RPTOR: variants seen among roughly 807,000 people sequenced by gnomAD.
The protein encoded by RPTOR is regulatory associated protein of MTOR complex 1.
A neutral mutation model predicts 169.9 loss-of-function variants in RPTOR; 21 were observed. The ratio of observed to expected loss-of-function variants is 0.12; its 90% CI spans 0.09 to 0.18. RPTOR has a LOEUF of 0.18. Among genes scored for constraint, RPTOR ranks in the 10% least tolerant of loss-of-function variants. The pLI is 1.00. For missense variants in RPTOR, 1,133 were observed against 1,855.9 expected, an observed-to-expected ratio of 0.61 and a Z score of 7.16; for synonymous variants, 732 against 753.2, an observed-to-expected ratio of 0.97 and a Z score of 0.46.
At chr17:80,877,804 G>A (rs909388887) in intron 13 of RPTOR, among the ~76,000 whole-genome samples, 1 of 152,168 alleles carries the variant, frequency 6.6e-6, no homozygotes, top group African/African-American at 2.4e-5. Context: ...CTCAGCTCGG[G>A]GGAGCAGCTT....
intron 25 of RPTOR, among the ~76,000 whole-genome samples, chr17:80,943,630 C>T (rs1207771072): frequency 1.3e-5 from 2 of 151,994 alleles, no homozygotes; most frequent in African/African-American, 4.8e-5. Context: ...TTATACTTGG[C>T]TATCTCACTT....
In RPTOR at chr17:80,791,524, T is replaced by G. The variant is rs779963048; in HGVS notation, c.890+15T>G. The stretch of plus-strand genomic sequence containing the variant: ...TTGATAGAAAAGTAAGTAGGATTTT[T>G]AAGCTCTTGTGGCTCTCTGGATCTG... On this transcript the variant is annotated intron_variant, in intron 7 of 33. Transcript: ENST00000306801. 24 of 1,612,262 alleles carry G rather than the reference T, an allele frequency of 1.5e-5. No homozygotes were observed. Among genetic ancestry groups the G allele is most frequent in the Middle Eastern group, 1.6e-4 (1 of 6,082 alleles).
chr17:80,753,137 A>T (rs1340966023), intron 5 of RPTOR, among the ~76,000 whole-genome samples: 1 of 152,150 alleles, frequency 6.6e-6, no homozygotes, highest in Non-Finnish European at 1.5e-5. Context: ...AGATGGGAGG[A>T]GATAAAATCC....
chr17:80,773,723 G>GCT, intron 6 of RPTOR: 1 of 938,644 alleles, frequency 1.1e-6, no homozygotes, highest in Non-Finnish European at 1.3e-6. Flanking sequence ...CCCTCCTCCA[G>GCT]GCAGGCGCTT....
In RPTOR at chr17:80,609,997, A is replaced by G. The variant is rs2065258760; in HGVS notation, c.163-15694A>G. ...GCAAGTCGGTTCTCACGTCAAGGGC[A>G]TGTCCTGAGGGTTATGGGGCCTTGG... On this transcript the variant is annotated intron_variant, in intron 1 of 33. Coordinates refer to ENST00000306801, the MANE Select transcript of RPTOR (RefSeq NM_020761.3). The surrounding 1 kb of genome is among the most constrained non-coding windows in gnomAD (Gnocchi z 4.8). 6.6e-6 allele frequency among the ~76,000 whole-genome samples: 1 copy of G among 152,156 alleles called. No individual in the cohort carries two copies. Among genetic ancestry groups the G allele is most frequent in the African/African-American group, 2.4e-5 (1 of 41,444 alleles).
intron 28 of RPTOR, among the ~76,000 whole-genome samples, chr17:80,954,957 G>A (rs1178501653): frequency 1.3e-5 from 2 of 152,020 alleles, no homozygotes; most frequent in African/African-American, 4.8e-5. Context: ...CATAGACAAC[G>A]GGAATAAAAA....
At chr17:80,910,276 G>A (rs530771204) in intron 21 of RPTOR, among the ~76,000 whole-genome samples, 10 of 152,226 alleles carry the variant, frequency 6.6e-5, no homozygotes, top group South Asian at 4.2e-4. Flanking sequence ...GTTTATTTCC[G>A]TTCTCTCAGG....
In RPTOR at chr17:80,779,497, C is replaced by T. The variant is rs536958177; in HGVS notation, c.831-11953C>T. Among the ~76,000 whole-genome samples, 8 of 152,334 alleles carry T rather than the reference C, an allele frequency of 5.3e-5. No individual in the cohort carries two copies. The South Asian group carries it at 1.7e-3, about 32-fold the overall frequency. Reference sequence around the variant, plus strand: ...CCGTGCCTACGTGCACTGACGTCGTCACAGGTGGGGGATAAGATTCCGTCG... The same window carrying T: ...CCGTGCCTACGTGCACTGACGTCGTTACAGGTGGGGGATAAGATTCCGTCG... On this transcript the variant is annotated intron_variant, in intron 6 of 33. Coordinates refer to ENST00000306801, the MANE Select transcript of RPTOR (RefSeq NM_020761.3).
In RPTOR at chr17:80,754,758, C is replaced by T. The variant is rs2066663372; in HGVS notation, c.830+573C>T. ...AGTGGGATATGTGTGTTTCCTGCCT[C>T]CAAATCCAATATTCTCCCCTAGACC... On this transcript the variant is annotated intron_variant, in intron 6 of 33. Coordinates refer to ENST00000306801, the MANE Select transcript of RPTOR (RefSeq NM_020761.3). This position sits in a 1 kb window ranked among gnomAD's most constrained non-coding sequence, Gnocchi z 4.2. Among the ~76,000 whole-genome samples the T allele has an allele frequency of 6.6e-6, 1 of 152,164 alleles. No individual in the cohort carries two copies. Among genetic ancestry groups the T allele is most frequent in the African/African-American group, 2.4e-5 (1 of 41,434 alleles).
At chr17:80,961,670 C>T in intron 31 of RPTOR, 190 bp downstream of exon 31, 1 of 640,994 alleles carries the variant, frequency 1.6e-6, no homozygotes. Flanking sequence ...AGCTGCTCCC[C>T]TGCTGGGGGA....
intron 1 of RPTOR, among the ~76,000 whole-genome samples, chr17:80,624,840 A>T (rs933308410): frequency 1.3e-5 from 2 of 152,242 alleles, no homozygotes; most frequent in Non-Finnish European, 1.5e-5. Flanking sequence ...GGTTTTGTTC[A>T]AATGAGTGGA....
intron 22 of RPTOR, among the ~76,000 whole-genome samples, 166 bp from the exon 23 acceptor site, chr17:80,923,324 A>G (rs2143980241): frequency 6.6e-6 from 1 of 152,310 alleles, no homozygotes; most frequent in African/African-American, 2.4e-5. Flanking sequence ...ACTCGGCACC[A>G]GCAGCTGGGG....
chr17:80,962,466 A>G lies in RPTOR; in HGVS notation c.3698A>G (p.Asn1233Ser), dbSNP rs142332444. 2,048 of 1,613,620 alleles carry G rather than the reference A, an allele frequency of 1.3e-3. 23 individuals are homozygous for G. The highest frequency in any genetic ancestry group is 3.0e-3 in the Middle Eastern group (18 of 6,058). ...PDGHIVSVSV[N>S]GDVRIFDPRM... Reference sequence around the variant, plus strand: ...CTGTGACCCTCTCTTGGCAGCGTCAATGGAGATGTGCGCATCTTTGATCCC... The same window carrying G: ...CTGTGACCCTCTCTTGGCAGCGTCAGTGGAGATGTGCGCATCTTTGATCCC... The change falls in exon 32 of 34, where the codon AAT (asparagine) becomes AGT (serine). Residue 1233 changes from asparagine to serine, a missense_variant. By Grantham distance (46) the Asn-to-Ser change is conservative. This residue lies in a region of RPTOR where 410 missense variants were observed against 623.7 expected (regional missense o/e 0.66). Coordinates refer to ENST00000306801, the MANE Select transcript of RPTOR (RefSeq NM_020761.3).
intron 1 of RPTOR, among the ~76,000 whole-genome samples, chr17:80,597,939 A>G (rs1169664105): frequency 1.3e-5 from 2 of 152,164 alleles, no homozygotes; most frequent in Admixed American, 6.5e-5. Flanking sequence ...CAGCAGTTCA[A>G]GACCAGCCTG....
rs2067721022 is a variant in RPTOR at position 80,845,664 on chromosome 17, G to A, written c.1213-809G>A. 6.6e-6 allele frequency among the ~76,000 whole-genome samples: 1 copy of A among 151,724 alleles called. No individual in the cohort carries two copies. Among genetic ancestry groups the A allele is most frequent in the Non-Finnish European group, 1.5e-5 (1 of 67,974 alleles). ...GCTGGGTCTTTCTCACCAGCGTCCTGTCCCCATTACTCCACATCTACAAAA... is the reference window on the plus strand; with the variant it reads ...GCTGGGTCTTTCTCACCAGCGTCCTATCCCCATTACTCCACATCTACAAAA... On this transcript the variant is annotated intron_variant, in intron 10 of 33. Coordinates refer to ENST00000306801, the MANE Select transcript of RPTOR (RefSeq NM_020761.3). The surrounding 1 kb of genome is among the most constrained non-coding windows in gnomAD (Gnocchi z 5.4).
At chr17:80,591,255 T>C (rs916718347) in intron 1 of RPTOR, among the ~76,000 whole-genome samples, 1 of 69,616 alleles carries the variant, frequency 1.4e-5, no homozygotes, top group African/African-American at 5.7e-5. Context: ...TCCTCCCCTC[T>C]CCTCCCCTCT....
At chr17:80,779,124 C>T (rs1033897486) in intron 6 of RPTOR, among the ~76,000 whole-genome samples, 8 of 152,210 alleles carry the variant, frequency 5.3e-5, no homozygotes, top group African/African-American at 1.9e-4. Flanking sequence ...CCATGGCTGT[C>T]CTCAGCCTCA....
intron 1 of RPTOR, among the ~76,000 whole-genome samples, chr17:80,549,606 C>T (rs1224041811): frequency 6.6e-6 from 1 of 152,204 alleles, no homozygotes; most frequent in East Asian, 1.9e-4. Context: ...AGCCACCGTG[C>T]CTGGTCTAAC....
At chr17:80,910,408 A>G (rs970718198) in intron 21 of RPTOR, among the ~76,000 whole-genome samples, 2 of 152,208 alleles carry the variant, frequency 1.3e-5, no homozygotes, top group East Asian at 1.9e-4. Flanking sequence ...GTCACTCATT[A>G]TAGCACTTAA....
Sources: allele counts gnomAD v4.1 joint callset (sites outside exome capture counted in the v4.1 genomes callset), GRCh38; gene constraint gnomAD v4.1.1; regional missense constraint gnomAD v4.1.1; non-coding constraint Gnocchi (gnomAD v3.1); transcripts MANE v1.5; gene names NCBI Gene and HGNC (gene_info 2026-07-23, HGNC 2026-07-21).